Variants in RASEF observed in about 807,000 individuals in gnomAD.
RASEF encodes the protein RAS and EF-hand domain containing.
A neutral mutation model predicts 90.1 loss-of-function variants in RASEF; 68 were observed. The ratio of observed to expected loss-of-function variants is 0.75; its 90% CI spans 0.62 to 0.92. The LOEUF is 0.92. Among genes scored for constraint, RASEF ranks in the 40% least tolerant of loss-of-function variants. The pLI, the probability that RASEF is intolerant of heterozygous loss-of-function variation, is 0.00. For synonymous variants in RASEF, 331 were observed against 345.2 expected (o/e 0.96, Z 0.46); for missense variants, 949 against 937.2 (o/e 1.01, Z -0.16).
the RASEF span, among the ~76,000 whole-genome samples, chr9:83,097,964 G>A: frequency 2.0e-5 from 3 of 152,120 alleles, no homozygotes; most frequent in African/African-American, 7.2e-5. Context: ...TAAAATAGAT[G>A]TTATTTCTTA....
intron 14 of RASEF, 84 bp downstream of exon 14, chr9:82,996,928 C>T: frequency 6.3e-6 from 5 of 787,724 alleles, no homozygotes; most frequent in African/African-American, 1.7e-5. Flanking sequence ...CAAGTTCATT[C>T]TGACAAAGAA....
In RASEF at chr9:83,062,750, G is replaced by T. The variant is rs975447734; in HGVS notation, c.118C>A (p.Leu40Met). ...TCGGCGTCGGCCGGCCGCACCCGCAGCTCCGTGCACAGTGCCCGGAACTCC... is the reference window on the plus strand; with the variant it reads ...TCGGCGTCGGCCGGCCGCACCCGCATCTCCGTGCACAGTGCCCGGAACTCC... Reference protein sequence around the residue: ...REEFRALCTELRVRPADAEAV... With the variant: ...REEFRALCTEMRVRPADAEAV... The change falls in exon 1 of 17, where the codon CTG becomes ATG. Residue 40 changes from leucine to methionine, a missense_variant. Coordinates refer to ENST00000376447, the MANE Select transcript of RASEF (RefSeq NM_152573.4). 1 of 1,568,020 alleles carries T rather than the reference G, an allele frequency of 6.4e-7. No individual in the cohort carries two copies. The highest frequency in any genetic ancestry group is 1.8e-4 in the Middle Eastern group (1 of 5,590).
the RASEF span, among the ~76,000 whole-genome samples, chr9:83,108,406 C>T: frequency 3.9e-5 from 6 of 152,140 alleles, no homozygotes; most frequent in Non-Finnish European, 8.8e-5. Flanking sequence ...AATACAGCCA[C>T]ACTCATTTGT....
chr9:83,013,925 C>A (rs1048594356), intron 4 of RASEF, among the ~76,000 whole-genome samples: 3 of 152,078 alleles, frequency 2.0e-5, no homozygotes, highest in Non-Finnish European at 4.4e-5. Context: ...GTGAACTATC[C>A]GAGGTGCTTC....
chr9:83,021,276 T>G (rs964397807), intron 3 of RASEF, among the ~76,000 whole-genome samples: 5 of 152,160 alleles, frequency 3.3e-5, no homozygotes, highest in African/African-American at 1.2e-4. Flanking sequence ...GTTGGGTTAT[T>G]TTCCCAATGC....
the RASEF span, among the ~76,000 whole-genome samples, chr9:83,157,566 A>G: frequency 3.9e-5 from 6 of 152,328 alleles, no homozygotes; most frequent in East Asian, 1.2e-3. Flanking sequence ...ACTGTGAGCT[A>G]AATAAACTTC....
chr9:83,103,107 G>A, the RASEF span, among the ~76,000 whole-genome samples: 1 of 152,168 alleles, frequency 6.6e-6, no homozygotes, highest in African/African-American at 2.4e-5. Flanking sequence ...AGCATTTGAA[G>A]TCAAATACCC....
rs138102901 is a variant in RASEF, at chr9:83,048,092, T to C, written c.431+14345A>G. On this transcript the variant is annotated intron_variant, in intron 1 of 16. Transcript: ENST00000376447. ...GCAGAGGCTCTTACTGGCCGTAGAC[T>C]CCACATCACTGGGTCAGCATTACCT... 2,802 of 984,518 alleles carry C rather than the reference T, an allele frequency of 2.8e-3. 6 individuals are homozygous for C. The highest frequency in any genetic ancestry group is 0.014 in the Middle Eastern group (27 of 1,912). The allele number at this position is 984,518 out of a possible 1,614,324, so 61.0% of individuals were successfully genotyped here.
Position 83,000,175 on chromosome 9 carries a change from T to C in RASEF, c.1717A>G (p.Thr573Ala). The change falls in exon 12 of 17, where the codon ACC becomes GCC. Residue 573 changes from threonine to alanine, a missense_variant. Coordinates refer to ENST00000376447, the MANE Select transcript of RASEF (RefSeq NM_152573.4). ...KNEFRENISATLGVDFQMKTL... is the reference protein window; with the variant it reads ...KNEFRENISAALGVDFQMKTL... ...ACCGAAATACGAGCCATACCCAGGG[T>C]GGCGCTTATATTTTCTCGAAATTCA... 6.2e-7 allele frequency: 1 copy of C among 1,613,376 alleles called. No individual in the cohort carries two copies.
the RASEF span, among the ~76,000 whole-genome samples, chr9:83,135,038 G>T: frequency 6.6e-6 from 1 of 152,090 alleles, no homozygotes; most frequent in African/African-American, 2.4e-5. Context: ...CCTGATTAAG[G>T]AAATTCATAC....
upstream of RASEF, among the ~76,000 whole-genome samples, chr9:83,064,867 G>T (rs1830268198): frequency 6.6e-6 from 1 of 152,106 alleles, no homozygotes; most frequent in East Asian, 1.9e-4. Context: ...AGGAGTTCGA[G>T]ACCAGCCTGA....
the RASEF span, among the ~76,000 whole-genome samples, chr9:83,093,675 G>A: frequency 6.6e-6 from 1 of 152,192 alleles, no homozygotes; most frequent in African/African-American, 2.4e-5. Flanking sequence ...CCCGGTTCCC[G>A]CTCGCGCCTC....
the RASEF span, among the ~76,000 whole-genome samples, chr9:83,082,294 G>A: frequency 6.6e-6 from 1 of 152,162 alleles, no homozygotes; most frequent in Non-Finnish European, 1.5e-5. Flanking sequence ...ATTAGAGAAT[G>A]AACCTGACCT....
At chr9:83,059,964 G>A (rs77307718) in intron 1 of RASEF, among the ~76,000 whole-genome samples, 2,105 of 152,226 alleles carry the variant, frequency 0.014, 40 homozygotes, top group African/African-American at 0.048. Flanking sequence ...CTAACATCAC[G>A]ATTACTGATG....
chr9:83,158,350 A>G, the RASEF span, among the ~76,000 whole-genome samples: 19 of 152,042 alleles, frequency 1.2e-4, no homozygotes, highest in African/African-American at 4.3e-4. Context: ...AAATAATAGT[A>G]CAAATACAAA....
the RASEF span, among the ~76,000 whole-genome samples, chr9:83,095,040 C>T: frequency 3.9e-5 from 6 of 152,074 alleles, no homozygotes; most frequent in South Asian, 2.1e-4. Flanking sequence ...TCCAATATCC[C>T]GGGAAAGGGC....
chr9:83,054,798 C>G (rs1830072421), intron 1 of RASEF: 1 of 149,952 alleles, frequency 6.7e-6, no homozygotes. Context: ...GTTGGAATAC[C>G]CTGCCGTGTG....
At chr9:83,075,140 T>C in the RASEF span, among the ~76,000 whole-genome samples, 2 of 152,212 alleles carry the variant, frequency 1.3e-5, no homozygotes, top group African/African-American at 2.4e-5. Flanking sequence ...TCTTTTTAGA[T>C]GGCAGAAAGA....
the RASEF span, among the ~76,000 whole-genome samples, chr9:83,189,044 G>A: frequency 1.3e-5 from 2 of 152,290 alleles, no homozygotes; most frequent in Admixed American, 6.5e-5. Context: ...ATTGGTCAAA[G>A]CATCTTTGTC....
Sources: gnomAD v4.1 joint callset for allele counts (sites outside exome capture counted in the v4.1 genomes callset) on GRCh38, gnomAD v4.1.1 for gene constraint, MANE v1.5 for transcripts, NCBI Gene and HGNC (gene_info 2026-07-23, HGNC 2026-07-21) for gene names.